Variants in FKBP5 observed in about 807,000 individuals in gnomAD.
The protein encoded by FKBP5 is FKBP prolyl isomerase 5.
FKBP5 carries 23 observed loss-of-function variants against 50.5 expected under a neutral mutation model. That is an observed-to-expected ratio of 0.46 (90% CI 0.33 to 0.65). FKBP5 has a LOEUF of 0.65. Among genes scored for constraint, FKBP5 ranks in the 30% least tolerant of loss-of-function variants. FKBP5 has a pLI of 0.02. For missense variants in FKBP5, 411 were observed against 553.1 expected, an observed-to-expected ratio of 0.74 and a Z score of 2.58; for synonymous variants, 176 against 190.6, an observed-to-expected ratio of 0.92 and a Z score of 0.63.
At position 35,661,659 on chromosome 6, in the gene FKBP5, T is replaced by C. The variant is rs1176917995; in HGVS notation, c.-19-18816A>G. Among the ~76,000 whole-genome samples the C allele has an allele frequency of 1.4e-4, 11 of 78,160 alleles. 5 individuals are homozygous for C. In the Admixed American group the frequency reaches 1.5e-3, roughly 11 times the overall value. The allele number at this position is 78,160 out of a possible 152,430, so 51.3% of individuals were successfully genotyped here. The stretch of plus-strand genomic sequence containing the variant: ...GGTGGCAAGTGCCTGTAATCCCAGC[T>C]ACTCAGGAGGCTAAGGCAGGAGAAT... On this transcript the variant is annotated intron_variant, in intron 1 of 10. Coordinates refer to ENST00000357266, the MANE Select transcript of FKBP5 (RefSeq NM_004117.4).
At chr6:35,579,438 G>A (rs1762352022) in intron 9 of FKBP5, among the ~76,000 whole-genome samples, 1 of 152,080 alleles carries the variant, frequency 6.6e-6, no homozygotes, top group South Asian at 2.1e-4. Flanking sequence ...ATCGGCTGGT[G>A]TATAAATATA....
intron 3 of FKBP5, among the ~76,000 whole-genome samples, chr6:35,633,898 G>C (rs1764235412): frequency 6.6e-6 from 1 of 152,162 alleles, no homozygotes; most frequent in Admixed American, 6.5e-5. Context: ...CTAATGCCCG[G>C]CTGGAAGCTT....
chr6:35,683,093 AAAGT>A (rs1244676593), intron 1 of FKBP5, among the ~76,000 whole-genome samples: 6 of 150,238 alleles, frequency 4.0e-5, no homozygotes, highest in Non-Finnish European at 5.9e-5. Flanking sequence ...TTTAAAAAAA[AAAGT>A]GTGTGTGTAT....
Position 35,670,138 on chromosome 6 carries a change from T to A in FKBP5, c.-20+18666A>T, listed in dbSNP as rs1373873666. On this transcript the variant is annotated intron_variant, in intron 1 of 10. Transcript: ENST00000357266. ...AAACTTAATGACCTTAGTTTGTATC[T>A]TCACATCACTGCATAACTTGTTAAT... is the stretch of plus-strand genomic sequence containing the variant. Among the ~76,000 whole-genome samples, 7 of 152,228 alleles carry A rather than the reference T, an allele frequency of 4.6e-5. No homozygotes were observed. In the South Asian group the frequency reaches 1.0e-3, roughly 22 times the overall value.
In FKBP5 at chr6:35,685,379, T is replaced by C. The variant is rs143056000; in HGVS notation, c.-20+3425A>G. On this transcript the variant is annotated intron_variant, in intron 1 of 10. Transcript: ENST00000357266. Reference sequence around the variant, plus strand: ...CCACCACCACCCAGTCGCTACTGAATGTAGATTTAATTTTCTTTATACTTT... The same window carrying C: ...CCACCACCACCCAGTCGCTACTGAACGTAGATTTAATTTTCTTTATACTTT... Among the ~76,000 whole-genome samples the C allele has an allele frequency of 1.9e-3, 295 of 152,306 alleles. 5 individuals carry two copies. Among genetic ancestry groups the C allele is most frequent in the East Asian group, 1.2e-3 (6 of 5,184 alleles).
intron 1 of FKBP5, among the ~76,000 whole-genome samples, chr6:35,646,803 G>A (rs976892166): frequency 6.6e-6 from 1 of 152,156 alleles, no homozygotes; most frequent in Admixed American, 6.5e-5. Context: ...TTCTGTTATG[G>A]ACATGGCAGA....
At chr6:35,625,125 C>T (rs1438309301) in intron 3 of FKBP5, among the ~76,000 whole-genome samples, 10 of 152,126 alleles carry the variant, frequency 6.6e-5, no homozygotes, top group Non-Finnish European at 5.9e-5. Flanking sequence ...ACTTTGTTGC[C>T]CAGGCTGGAG....
upstream of FKBP5, among the ~76,000 whole-genome samples, chr6:35,693,678 G>A (rs1039498329): frequency 6.6e-5 from 10 of 151,930 alleles, no homozygotes; most frequent in South Asian, 1.5e-3. Context: ...ATGCCACCAC[G>A]CCCAGCTAAT....
intron 3 of FKBP5, among the ~76,000 whole-genome samples, chr6:35,624,710 C>T (rs983580113): frequency 6.6e-6 from 1 of 152,114 alleles, no homozygotes; most frequent in African/African-American, 2.4e-5. Flanking sequence ...AGCATCCAAT[C>T]GAGAAAGCTC....
At chr6:35,589,088 ATTTT>A (rs1345712154) in intron 7 of FKBP5, among the ~76,000 whole-genome samples, 13 of 125,930 alleles carry the variant, frequency 1.0e-4, no homozygotes, top group South Asian at 2.2e-4. Context: ...TTATATATAT[ATTTT>A]TATATATATA....
At chr6:35,579,953 T>G in intron 9 of FKBP5, 83 bp downstream of exon 9, 1 of 1,077,634 alleles carries the variant, frequency 9.3e-7, no homozygotes. Flanking sequence ...TCCTGCAACC[T>G]TTGGCTGAGA....
chr6:35,705,696 T>C (rs879057100), intron 2 of FKBP5, among the ~76,000 whole-genome samples: 1 of 152,150 alleles, frequency 6.6e-6, no homozygotes, highest in Admixed American at 6.5e-5. Flanking sequence ...AAAAACTGAT[T>C]AGCTATCTGG....
chr6:35,642,694 T>C (rs1235257988), intron 2 of FKBP5, 26 bp downstream of exon 2: 4 of 1,570,052 alleles, frequency 2.5e-6, no homozygotes, highest in Admixed American at 3.4e-5. Context: ...GGTTTCCTTG[T>C]ATGTCACTCA....
intron 5 of FKBP5, among the ~76,000 whole-genome samples, chr6:35,600,000 A>T (rs1033379467): frequency 5.3e-5 from 8 of 152,216 alleles, no homozygotes; most frequent in Non-Finnish European, 1.0e-4. Context: ...AGCCTACTAT[A>T]ACCTCGGCTA....
chr6:35,713,558 A>G (rs996457557), intron 2 of FKBP5, among the ~76,000 whole-genome samples: 1 of 152,138 alleles, frequency 6.6e-6, no homozygotes, highest in African/African-American at 2.4e-5. Context: ...GCTGTGACAT[A>G]TGCTCTAAGT....
chr6:35,591,388 C>T (rs1762815798), intron 6 of FKBP5, among the ~76,000 whole-genome samples, 168 bp from the exon 7 acceptor site: 2 of 152,220 alleles, frequency 1.3e-5, no homozygotes, highest in African/African-American at 4.8e-5. Context: ...AGTATCTTCA[C>T]TGCTACAGTT....
At chr6:35,583,030 T>A (rs1484027811) in intron 8 of FKBP5, 2 of 946,788 alleles carry the variant, frequency 2.1e-6, no homozygotes, top group Non-Finnish European at 2.5e-6. Context: ...GAAGCTGCAG[T>A]TAGCTATGCT....
intron 2 of FKBP5, among the ~76,000 whole-genome samples, chr6:35,715,796 C>T (rs922615553): frequency 9.9e-5 from 15 of 152,152 alleles, no homozygotes; most frequent in African/African-American, 3.1e-4. Flanking sequence ...ACAGATGAGC[C>T]GTGTGTTTGT....
rs1400419736 is a variant in FKBP5 at position 35,650,988 on chromosome 6, T to C, written c.-19-8145A>G. ...TATCACTAATATGGAGCAGGTGACG[T>C]CTTACCCATTCCACATAAACAATCT... is the stretch of plus-strand genomic sequence containing the variant. On this transcript the variant is annotated intron_variant, in intron 1 of 10. Coordinates refer to ENST00000357266, the MANE Select transcript of FKBP5 (RefSeq NM_004117.4). Among the ~76,000 whole-genome samples, 6 of 152,128 alleles carry C rather than the reference T, an allele frequency of 3.9e-5. No individual in the cohort carries two copies. The East Asian group carries it at 9.6e-4, about 24-fold the overall frequency.
Sources: allele counts gnomAD v4.1 joint callset (sites outside exome capture counted in the v4.1 genomes callset), GRCh38; gene constraint gnomAD v4.1.1; transcripts MANE v1.5; gene names NCBI Gene and HGNC (gene_info 2026-07-23, HGNC 2026-07-21).